The following IQGAP3 variants were observed in gnomAD, a reference collection of about 807,000 sequenced individuals.
The protein encoded by IQGAP3 is IQ motif containing GTPase activating protein 3.
In IQGAP3, 165 loss-of-function variants were observed where a neutral mutation model predicts 208.2. That is an observed-to-expected ratio of 0.79 (90% CI 0.70 to 0.90). IQGAP3 has a LOEUF of 0.90. IQGAP3 is among the 40% of genes least tolerant of loss of function. IQGAP3 has a pLI of 0.00. For synonymous variants in IQGAP3, 703 were observed against 803.6 expected, an observed-to-expected ratio of 0.87 and a Z score of 2.12; for missense variants, 1,811 against 2,043.1, an observed-to-expected ratio of 0.89 and a Z score of 2.19.
intron 1 of IQGAP3, among the ~76,000 whole-genome samples, chr1:156,569,789 C>G (rs186176017): frequency 2.8e-4 from 43 of 152,010 alleles, no homozygotes; most frequent in East Asian, 7.7e-4. Context: ...AAAGTGCTGG[C>G]ATTACAGGCT....
At position 156,563,274 on chromosome 1, in the gene IQGAP3, G is replaced by A. The variant is rs143587777; in HGVS notation, c.658C>T (p.Arg220Ter). The A allele has an allele frequency of 2.1e-5, 34 of 1,608,278 alleles. No homozygotes were observed. Among genetic ancestry groups the A allele is most frequent in the South Asian group, 8.8e-5 (8 of 90,720 alleles). Residue 220 changes from arginine to a stop codon, truncating the protein, a stop_gained, in exon 8 of 38, where the codon CGA becomes TGA. Coordinates refer to ENST00000361170, the MANE Select transcript of IQGAP3 (RefSeq NM_178229.5). LOFTEE classifies it high-confidence loss of function. ...AVLAINEAVE[R>*]GVVEDTLAAL... Reference sequence around the variant, plus strand: ...GCCAGGGTGTCCTCCACCACCCCTCGCTCCACTGCTTCATTGATGGCAAGA... The same window carrying A: ...GCCAGGGTGTCCTCCACCACCCCTCACTCCACTGCTTCATTGATGGCAAGA...
chr1:156,547,248 G>C (rs953082861), intron 19 of IQGAP3, among the ~76,000 whole-genome samples: 3 of 152,170 alleles, frequency 2.0e-5, no homozygotes, highest in Admixed American at 6.5e-5. Context: ...GCTGGTAGGA[G>C]AGGAAAGGTA....
rs569013525 is a variant in IQGAP3, at chr1:156,535,176, C to G, written c.3494G>C (p.Ser1165Thr). The G allele has an allele frequency of 6.2e-7, 1 of 1,613,354 alleles. No individual in the cohort carries two copies. Among genetic ancestry groups the G allele is most frequent in the Non-Finnish European group, 8.5e-7 (1 of 1,179,450 alleles). ...LAEKFPDATD[S>T]EVYKVVGNLL... The stretch of plus-strand genomic sequence containing the variant: ...GACAACACTTGCCTTATAGACCTCG[C>G]TGTCTGTGGCGTCAGGGAATTTCTC... The change falls in exon 28 of 38, where the codon AGC becomes ACC. Residue 1165 changes from serine to threonine, a missense_variant. Transcript: ENST00000361170.
intron 20 of IQGAP3, 51 bp downstream of exon 20, chr1:156,544,338 T>C (rs368175997): frequency 4.7e-5 from 73 of 1,568,408 alleles, no homozygotes; most frequent in Non-Finnish European, 6.2e-5. Flanking sequence ...ACAAGATTGT[T>C]CTCAGACGGT....
chr1:156,526,730 G>A, intron 37 of IQGAP3, 131 bp from the exon 38 acceptor site: 3 of 627,428 alleles, frequency 4.8e-6, no homozygotes, highest in South Asian at 1.9e-5. Flanking sequence ...GTAGGGCATT[G>A]AAATCCCACT....
chr1:156,539,351 T>G (rs1162094551), intron 25 of IQGAP3, 23 bp downstream of exon 25: 2 of 1,609,380 alleles, frequency 1.2e-6, no homozygotes, highest in Admixed American at 3.3e-5. Flanking sequence ...CTCTCCCCAT[T>G]CCTTTGTGTC....
At chr1:156,553,300 C>T (rs1033020870) in intron 13 of IQGAP3, among the ~76,000 whole-genome samples, 1 of 152,234 alleles carries the variant, frequency 6.6e-6, no homozygotes, top group Admixed American at 6.5e-5. Context: ...GCTACTTGGT[C>T]TTCATCTCCC....
Position 156,540,902 on chromosome 1 carries a change from G to C in IQGAP3, c.2545C>G (p.Pro849Ala), listed in dbSNP as rs1428277078. 5 of 1,613,706 alleles carry C rather than the reference G, an allele frequency of 3.1e-6. No individual in the cohort carries two copies. The highest frequency in any genetic ancestry group is 4.5e-5 in the East Asian group (2 of 44,848). ...DYRILVHAPH[P>A]PLSVVRRFAH... ...AATCTGCGTACCACACTGAGAGGAGGGTGGGGTGCATGCACTGGGAGGAAG... is the reference window on the plus strand; with the variant it reads ...AATCTGCGTACCACACTGAGAGGAGCGTGGGGTGCATGCACTGGGAGGAAG... The change falls in exon 23 of 38, where the codon CCT (proline) becomes GCT (alanine). Residue 849 changes from proline to alanine, a missense_variant. Pro to Ala is a conservative substitution (Grantham distance 27). Transcript: ENST00000361170.
intron 27 of IQGAP3, 126 bp from the exon 28 acceptor site, chr1:156,535,373 C>A (rs900773093): frequency 9.1e-6 from 6 of 660,430 alleles, no homozygotes; most frequent in East Asian, 2.7e-5. Flanking sequence ...AGAGCTCAAG[C>A]ACTGTCCCTC....
intron 2 of IQGAP3, among the ~76,000 whole-genome samples, chr1:156,568,565 G>C (rs547443811): frequency 9.8e-5 from 15 of 152,312 alleles, no homozygotes; most frequent in African/African-American, 3.6e-4. Context: ...TGTCATCCAG[G>C]ATGGAGTGCA....
chr1:156,537,357 C>G (rs1674740847), intron 26 of IQGAP3, 36 bp from the exon 27 acceptor site: 1 of 1,575,044 alleles, frequency 6.3e-7, no homozygotes, highest in Non-Finnish European at 8.6e-7. Flanking sequence ...AAGCAGGAGC[C>G]CCCTCCAATG....
Position 156,561,025 on chromosome 1 carries a change from A to AC in IQGAP3, c.1042-5_1042-4insG, listed in dbSNP as rs1233818002. On this transcript the variant is annotated splice_region_variant and splice_polypyrimidine_tract_variant and intron_variant, in intron 10 of 37. Coordinates refer to ENST00000361170, the MANE Select transcript of IQGAP3 (RefSeq NM_178229.5). ...GAAGCTCCACCAGGCCCAGCTCCTAAGAGAGGGAAGAGATACAGTAGAATG... is the reference window on the plus strand; with the variant it reads ...GAAGCTCCACCAGGCCCAGCTCCTAACGAGAGGGAAGAGATACAGTAGAATG... 6.2e-7 allele frequency: 1 copy of AC among 1,606,530 alleles called. No individual in the cohort carries two copies. Among genetic ancestry groups the AC allele is most frequent in the Non-Finnish European group, 8.5e-7 (1 of 1,173,480 alleles).
At chr1:156,567,955 T>C (rs973644599) in intron 2 of IQGAP3, among the ~76,000 whole-genome samples, 1 of 152,214 alleles carries the variant, frequency 6.6e-6, no homozygotes, top group Admixed American at 6.5e-5. Flanking sequence ...AGGCATTAGA[T>C]GAAAGTTAAT....
rs201090739 is a variant in IQGAP3 at position 156,563,173 on chromosome 1, G to A, written c.759C>T (p.Ala253=). 2.3e-5 allele frequency: 37 copies of A among 1,610,950 alleles called. No individual in the cohort carries two copies. The highest frequency in any genetic ancestry group is 2.8e-5 in the Non-Finnish European group (33 of 1,177,650). The change falls in exon 8 of 38, where the codon GCC becomes GCT. Residue 253 remains alanine, a synonymous_variant. Transcript: ENST00000361170. ...TGGCTGCCTTCTCCATCTTGGCCTG[G>A]GCCAGCATCTCTTGGTAGACGGCTG... ...PLAAVYQEML[A]QAKMEKAANA... is the part of the protein sequence containing the mutation.
At chr1:156,531,364 T>C (rs910433467) in intron 32 of IQGAP3, 117 bp from the exon 33 acceptor site, 1 of 766,026 alleles carries the variant, frequency 1.3e-6, no homozygotes, top group African/African-American at 1.7e-5. Flanking sequence ...GCTGCTAGGA[T>C]ATAAGGAGAG....
At chr1:156,550,531 G>A (rs571137142) in intron 15 of IQGAP3, among the ~76,000 whole-genome samples, 180 bp from the exon 16 acceptor site, 81 of 152,254 alleles carry the variant, frequency 5.3e-4, no homozygotes, top group African/African-American at 1.8e-3. Context: ...CCTGGGACGC[G>A]GCCAGGCTCA....
intron 33 of IQGAP3, among the ~76,000 whole-genome samples, chr1:156,530,560 C>A (rs941570850): frequency 6.6e-5 from 10 of 152,162 alleles, no homozygotes; most frequent in African/African-American, 2.4e-4. Context: ...CATAGATCAC[C>A]ACAGGGGAAG....
rs1479725423 is a variant in IQGAP3 at position 156,539,873 on chromosome 1, G to GT, written c.2856dup (p.Leu953ThrfsTer93). 57 of 1,614,062 alleles carry GT rather than the reference G, an allele frequency of 3.5e-5. No individual in the cohort carries two copies. The highest frequency in any genetic ancestry group is 3.8e-5 in the Non-Finnish European group (45 of 1,180,048). ...TAGAAGAGGTGTTGGTATGCTTCTA[G>GT]TTTCTGCCGTTTCTCTTTGCTCAGC... On this transcript the variant is annotated frameshift_variant, in exon 24 of 38. Coordinates refer to ENST00000361170, the MANE Select transcript of IQGAP3 (RefSeq NM_178229.5). LOFTEE classifies it high-confidence loss of function.
intron 37 of IQGAP3, among the ~76,000 whole-genome samples, chr1:156,526,869 G>A (rs1674091710): frequency 6.6e-6 from 1 of 151,978 alleles, no homozygotes. Flanking sequence ...GTCTCACTCG[G>A]TCTCCCAGGC....
Sources: gnomAD v4.1 joint callset for allele counts (sites outside exome capture counted in the v4.1 genomes callset) on GRCh38, gnomAD v4.1.1 for gene constraint, MANE v1.5 for transcripts, NCBI Gene and HGNC (gene_info 2026-07-23, HGNC 2026-07-21) for gene names.